The following RNF150 variants were observed in gnomAD, a reference collection of about 807,000 sequenced individuals.
RNF150 encodes the protein ring finger protein 150.
Under a neutral mutation model 39.3 loss-of-function variants are expected in RNF150, and 24 were observed. That is an observed-to-expected ratio of 0.61 (90% CI 0.44 to 0.86). The LOEUF is 0.86. RNF150 is among the 40% of genes least tolerant of loss of function. The pLI is 0.00. For synonymous variants in RNF150, 255 were observed against 227.3 expected (o/e 1.12, Z -1.10); for missense variants, 502 against 587.8 (o/e 0.85, Z 1.51).
At chr4:141,158,408 A>G (rs1056930537) in intron 1 of RNF150, among the ~76,000 whole-genome samples, 1 of 152,010 alleles carries the variant, frequency 6.6e-6, no homozygotes, top group Non-Finnish European at 1.5e-5. Flanking sequence ...TACTATGACC[A>G]GTTGGCCACT....
At chr4:141,025,263 T>C (rs1050477802) in intron 1 of RNF150, among the ~76,000 whole-genome samples, 1 of 152,106 alleles carries the variant, frequency 6.6e-6, no homozygotes, top group Non-Finnish European at 1.5e-5. Context: ...AACCAAATTG[T>C]ACCTGAAATG....
At chr4:141,091,726 G>A (rs1312177237) in intron 1 of RNF150, among the ~76,000 whole-genome samples, 2 of 152,174 alleles carry the variant, frequency 1.3e-5, no homozygotes, top group South Asian at 2.1e-4. Context: ...CAGTGATGAT[G>A]TAACAAGGAG....
chr4:141,052,629 G>C (rs1220409940), intron 1 of RNF150, among the ~76,000 whole-genome samples: 3 of 152,134 alleles, frequency 2.0e-5, no homozygotes, highest in African/African-American at 7.2e-5. Context: ...ACCTGCCTTG[G>C]CCTCCCAAAG....
At chr4:140,912,330 T>C (rs193227740) in intron 5 of RNF150, among the ~76,000 whole-genome samples, 2 of 152,212 alleles carry the variant, frequency 1.3e-5, no homozygotes, top group African/African-American at 4.8e-5. Context: ...GGTGGAGGAA[T>C]ATTGTCTTAA....
chr4:141,181,677 C>T (rs1455400657), intron 1 of RNF150, among the ~76,000 whole-genome samples: 1 of 152,102 alleles, frequency 6.6e-6, no homozygotes, highest in Non-Finnish European at 1.5e-5. Flanking sequence ...ATATCATCTA[C>T]AAATATGAAG....
chr4:141,194,821 G>A (rs1324802368), intron 1 of RNF150, among the ~76,000 whole-genome samples: 2 of 152,098 alleles, frequency 1.3e-5, no homozygotes, highest in Non-Finnish European at 2.9e-5. Context: ...CAGACTGCCC[G>A]AGTTCAAATC....
chr4:140,901,089 A>G (rs1730170485), intron 6 of RNF150, among the ~76,000 whole-genome samples: 1 of 152,170 alleles, frequency 6.6e-6, no homozygotes, highest in Admixed American at 6.5e-5. Context: ...GGTCGTGTAG[A>G]TGGTATAAAA....
chr4:140,973,587 T>A (rs1020322347), intron 1 of RNF150, among the ~76,000 whole-genome samples: 1 of 151,620 alleles, frequency 6.6e-6, no homozygotes, highest in African/African-American at 2.4e-5. Context: ...TAACAAGTGG[T>A]ATAAACATGC....
At chr4:141,093,747 A>G (rs1029316454) in intron 1 of RNF150, among the ~76,000 whole-genome samples, 1 of 152,256 alleles carries the variant, frequency 6.6e-6, no homozygotes, top group Non-Finnish European at 1.5e-5. Flanking sequence ...TAAAGAACAT[A>G]AACTCAACCA....
chr4:140,939,321 TA>T (rs1731987159), intron 4 of RNF150, among the ~76,000 whole-genome samples: 1 of 152,204 alleles, frequency 6.6e-6, no homozygotes, highest in South Asian at 2.1e-4. Context: ...CTGGTCTTTG[TA>T]AAAGTATAGC....
intron 1 of RNF150, among the ~76,000 whole-genome samples, chr4:141,163,382 C>T (rs1727547260): frequency 6.6e-6 from 1 of 152,244 alleles, no homozygotes; most frequent in South Asian, 2.1e-4. Flanking sequence ...ACAGCTTCAG[C>T]AGACTTAAAC....
At chr4:141,097,159 A>AT (rs200372446) in intron 1 of RNF150, among the ~76,000 whole-genome samples, 67 of 150,386 alleles carry the variant, frequency 4.5e-4, no homozygotes, top group Middle Eastern at 3.5e-3. Flanking sequence ...GTTGTTTGGG[A>AT]TTTTTTTTTT....
chr4:141,019,371 G>C (rs1735400415), intron 1 of RNF150, among the ~76,000 whole-genome samples: 1 of 151,764 alleles, frequency 6.6e-6, no homozygotes, highest in Non-Finnish European at 1.5e-5. Context: ...ATTTTTTCCA[G>C]GTATGAAAAA....
intron 1 of RNF150, among the ~76,000 whole-genome samples, chr4:141,121,470 C>T (rs922736929): frequency 6.6e-6 from 1 of 152,180 alleles, no homozygotes; most frequent in Non-Finnish European, 1.5e-5. Flanking sequence ...AAAAACAGCA[C>T]GGTGTCTCTA....
intron 1 of RNF150, among the ~76,000 whole-genome samples, chr4:140,995,263 C>T (rs2111487649): frequency 6.6e-6 from 1 of 152,208 alleles, no homozygotes; most frequent in African/African-American, 2.4e-5. Flanking sequence ...CAAGGGCAAG[C>T]CAGTGGTGTT....
intron 1 of RNF150, among the ~76,000 whole-genome samples, chr4:140,985,691 AAAT>A (rs1345790813): frequency 6.6e-6 from 1 of 152,160 alleles, no homozygotes; most frequent in Non-Finnish European, 1.5e-5. Context: ...ATAAAAATCT[AAAT>A]AATTGTTACT....
chr4:141,026,644 CA>C (rs1463672897), intron 1 of RNF150, among the ~76,000 whole-genome samples: 1 of 152,164 alleles, frequency 6.6e-6, no homozygotes, highest in Non-Finnish European at 1.5e-5. Context: ...CATATACTCC[CA>C]GGGGTAATAT....
In RNF150 at chr4:140,996,795, T is replaced by C. The variant is rs60522138; in HGVS notation, c.485-28922A>G. On this transcript the variant is annotated intron_variant, in intron 1 of 6. Transcript: ENST00000515673. ...CTGTAGTCCAGGTTTCCTAATGCCA[T>C]GTGGCAAATGTTCATTGTGTGGTAC... Among the ~76,000 whole-genome samples the C allele has an allele frequency of 2.6e-3, 389 of 152,346 alleles. 2 individuals are homozygous for C. Among genetic ancestry groups the C allele is most frequent in the African/African-American group, 9.0e-3 (373 of 41,580 alleles).
At chr4:140,912,938 C>A (rs1730661637) in intron 5 of RNF150, among the ~76,000 whole-genome samples, 1 of 140,768 alleles carries the variant, frequency 7.1e-6, no homozygotes, top group Non-Finnish European at 1.5e-5. Flanking sequence ...GTATTTCAGT[C>A]TGCACTCTCT....
Sources: gnomAD v4.1 joint callset for allele counts (sites outside exome capture counted in the v4.1 genomes callset) on GRCh38, gnomAD v4.1.1 for gene constraint, MANE v1.5 for transcripts, NCBI Gene and HGNC (gene_info 2026-07-23, HGNC 2026-07-21) for gene names.